The following SNTB2 variants were observed in gnomAD, a reference collection of about 807,000 sequenced individuals.
SNTB2 encodes syntrophin beta 2.
SNTB2 carries 34 observed loss-of-function variants against 46.2 expected under a neutral mutation model. That is an observed-to-expected ratio of 0.74 (90% CI 0.56 to 0.98). The LOEUF (loss-of-function observed/expected upper bound fraction) is 0.98. Among genes scored for constraint, SNTB2 ranks in the 50% least tolerant of loss-of-function variants. The pLI, the probability that SNTB2 is intolerant of heterozygous loss-of-function variation, is 0.00. For synonymous variants in SNTB2, 290 were observed against 312.6 expected (o/e 0.93, Z 0.76); for missense variants, 603 against 731.4 (o/e 0.82, Z 2.02).
At chr16:69,242,862 A>G (rs1445116973) in intron 1 of SNTB2, among the ~76,000 whole-genome samples, 1 of 152,174 alleles carries the variant, frequency 6.6e-6, no homozygotes, top group Non-Finnish European at 1.5e-5. Context: ...TCTACTAAAA[A>G]TACAAAAAAT....
chr16:69,257,375 A>G (rs1026210243), intron 2 of SNTB2, among the ~76,000 whole-genome samples: 2 of 151,892 alleles, frequency 1.3e-5, no homozygotes, highest in African/African-American at 4.8e-5. Context: ...TGAACTTTCA[A>G]ATATGGACTT....
At chr16:69,206,943 T>C (rs1412825436) in intron 1 of SNTB2, among the ~76,000 whole-genome samples, 2 of 151,028 alleles carry the variant, frequency 1.3e-5, no homozygotes, top group Non-Finnish European at 2.9e-5. Flanking sequence ...TTTTTTGTAT[T>C]TTTAGTAGAG....
intron 3 of SNTB2, among the ~76,000 whole-genome samples, chr16:69,263,858 A>G (rs150027802): frequency 6.6e-6 from 1 of 152,156 alleles, no homozygotes; most frequent in African/African-American, 2.4e-5. Context: ...TATATACAAA[A>G]TAAATGTAAT....
At chr16:69,212,681 C>G (rs1353561825) in intron 1 of SNTB2, among the ~76,000 whole-genome samples, 1 of 149,964 alleles carries the variant, frequency 6.7e-6, no homozygotes, top group Non-Finnish European at 1.5e-5. Flanking sequence ...GTTGCCCTGG[C>G]TGGAGTGCAA....
rs1348562809 is a variant in SNTB2, at chr16:69,187,597, A to G, written c.431A>G (p.Lys144Arg). 1.3e-6 allele frequency: 2 copies of G among 1,552,908 alleles called. No homozygotes were observed. Among genetic ancestry groups the G allele is most frequent in the Non-Finnish European group, 1.7e-6 (2 of 1,154,458 alleles). Reference sequence around the variant, plus strand: ...AACCGGATGCCGATCCTCATCTCCAAGATCTTCCCCGGGCTGGCTGCCGAC... The same window carrying G: ...AACCGGATGCCGATCCTCATCTCCAGGATCTTCCCCGGGCTGGCTGCCGAC... ...RENRMPILIS[K>R]IFPGLAADQS... Residue 144 changes from lysine to arginine, a missense_variant, in exon 1 of 7, where the codon AAG (lysine) becomes AGG (arginine). Transcript: ENST00000336278.
chr16:69,208,971 AGT>A (rs570119837), intron 1 of SNTB2, among the ~76,000 whole-genome samples: 12 of 149,072 alleles, frequency 8.0e-5, no homozygotes, highest in South Asian at 2.1e-4. Context: ...TGAATTTTTG[AGT>A]GTGTGTGTGT....
chr16:69,292,402 ATATATT>A lies in SNTB2; in HGVS notation c.1346-7187_1346-7182del, dbSNP rs1567416446. Among the ~76,000 whole-genome samples the A allele has an allele frequency of 4.7e-3, 107 of 23,002 alleles. 12 individuals are homozygous for A. The highest frequency in any genetic ancestry group is 7.6e-3 in the African/African-American group (10 of 1,316). The allele number at this position is 23,002 out of a possible 152,430, so 15.1% of individuals were successfully genotyped here. A position where few individuals can be genotyped will look rare whatever the true frequency, so the allele number is the denominator to read the frequency against. On this transcript the variant is annotated intron_variant, in intron 5 of 6. Transcript: ENST00000336278. ...TATTATATATATATTATATATATATATATATTATATATATATTATATATATATATAT... is the reference window on the plus strand; with the variant it reads ...TATTATATATATATTATATATATATAATATATATATTATATATATATATAT...
intron 3 of SNTB2, among the ~76,000 whole-genome samples, chr16:69,264,467 A>T (rs1964866654): frequency 6.6e-6 from 1 of 152,198 alleles, no homozygotes; most frequent in South Asian, 2.1e-4. Context: ...GGTTGCATTT[A>T]TTTTATTTTT....
intron 4 of SNTB2, among the ~76,000 whole-genome samples, chr16:69,277,381 CTG>C (rs1367629556): frequency 2.0e-5 from 3 of 152,084 alleles, no homozygotes; most frequent in African/African-American, 7.2e-5. Context: ...CATGGAAAAT[CTG>C]TGTAACTCAG....
chr16:69,268,678 A>G (rs1241016138), intron 3 of SNTB2, among the ~76,000 whole-genome samples: 1 of 152,008 alleles, frequency 6.6e-6, no homozygotes, highest in Non-Finnish European at 1.5e-5. Flanking sequence ...CAGCCTGGGC[A>G]ATACAGTGAA....
chr16:69,233,153 C>T (rs1054971917), intron 1 of SNTB2, among the ~76,000 whole-genome samples: 21 of 152,236 alleles, frequency 1.4e-4, no homozygotes, highest in Non-Finnish European at 2.2e-4. Context: ...GACAACTTTT[C>T]CCCCCTCATG....
intron 3 of SNTB2, among the ~76,000 whole-genome samples, chr16:69,266,553 T>C (rs1964886956): frequency 6.6e-6 from 1 of 152,178 alleles, no homozygotes; most frequent in Non-Finnish European, 1.5e-5. Flanking sequence ...AAGGTCTCTT[T>C]CTTGAAATTG....
intron 1 of SNTB2, among the ~76,000 whole-genome samples, chr16:69,239,068 G>A (rs2310818): frequency 0.14 from 21,236 of 151,972 alleles, 1,608 homozygotes; most frequent in Middle Eastern, 0.23. Flanking sequence ...TCTCCTTACT[G>A]TCTAACACTC....
intron 1 of SNTB2, among the ~76,000 whole-genome samples, chr16:69,194,346 G>A (rs975915236): frequency 2.0e-5 from 3 of 151,970 alleles, no homozygotes; most frequent in Admixed American, 6.6e-5. Flanking sequence ...AGTTTCTATT[G>A]TATTCCATTT....
chr16:69,202,106 C>T (rs990083068), intron 1 of SNTB2, among the ~76,000 whole-genome samples: 22 of 152,182 alleles, frequency 1.4e-4, no homozygotes, highest in Admixed American at 1.3e-3. Flanking sequence ...TCAGTTATCC[C>T]TTCACATTTA....
In SNTB2 at chr16:69,305,515, G is replaced by A. The variant is rs906615977; in HGVS notation, c.*4591G>A. 6.6e-6 allele frequency: 1 copy of A among 152,176 alleles called. No homozygotes were observed. Among genetic ancestry groups the A allele is most frequent in the African/African-American group, 2.4e-5 (1 of 41,442 alleles). The allele number at this position is 152,176 out of a possible 1,614,324, so 9.4% of individuals were successfully genotyped here. ...AGGTCTTCTTTTTTCAATTCCTAATGAATAAGTAAAATGCCAGATCTCTTT... is the reference window on the plus strand; with the variant it reads ...AGGTCTTCTTTTTTCAATTCCTAATAAATAAGTAAAATGCCAGATCTCTTT... On this transcript the variant is annotated 3_prime_UTR_variant, in exon 7 of 7. Transcript: ENST00000336278.
At chr16:69,199,884 T>G (rs1964143901) in intron 1 of SNTB2, among the ~76,000 whole-genome samples, 1 of 152,154 alleles carries the variant, frequency 6.6e-6, no homozygotes, top group Non-Finnish European at 1.5e-5. Flanking sequence ...AAAAAATGTT[T>G]TATTTTAGAT....
chr16:69,247,147 G>A (rs192690431), intron 2 of SNTB2, among the ~76,000 whole-genome samples: 43 of 151,748 alleles, frequency 2.8e-4, no homozygotes, highest in African/African-American at 9.7e-4. Flanking sequence ...ACTGTAGGTA[G>A]TATAGAGTTA....
intron 1 of SNTB2, among the ~76,000 whole-genome samples, chr16:69,244,041 T>C (rs1289566083): frequency 6.6e-6 from 1 of 152,218 alleles, no homozygotes; most frequent in Non-Finnish European, 1.5e-5. Context: ...ACTGTATTTA[T>C]TGAATGTTTA....
Sources: allele counts gnomAD v4.1 joint callset (sites outside exome capture counted in the v4.1 genomes callset), GRCh38; gene constraint gnomAD v4.1.1; transcripts MANE v1.5; gene names NCBI Gene and HGNC (gene_info 2026-07-23, HGNC 2026-07-21).